Variants in PEX11G observed in about 807,000 individuals in gnomAD.
PEX11G encodes the protein peroxisomal membrane protein 11C.
Under a neutral mutation model 22.5 loss-of-function variants are expected in PEX11G, and 20 were observed. That is an observed-to-expected ratio of 0.89 (90% CI 0.62 to 1.29). PEX11G has a LOEUF of 1.29. Among genes scored for constraint, PEX11G ranks in the 50% most tolerant of loss-of-function variants. The pLI, the probability that PEX11G is intolerant of heterozygous loss-of-function variation, is 0.00. For missense variants in PEX11G, 347 were observed against 331.3 expected, an observed-to-expected ratio of 1.05 and a Z score of -0.37; for synonymous variants, 141 against 154.5, an observed-to-expected ratio of 0.91 and a Z score of 0.65.
upstream of PEX11G, chr19:7,490,955 T>C (rs889566696): frequency 6.6e-6 from 1 of 151,932 alleles, no homozygotes; most frequent in Non-Finnish European, 1.5e-5. Flanking sequence ...TTTTTATTTT[T>C]TATTTTTTGT....
chr19:7,484,570 C>T (rs751796840), intron 2 of PEX11G, among the ~76,000 whole-genome samples: 4 of 151,750 alleles, frequency 2.6e-5, no homozygotes, highest in Admixed American at 2.0e-4. Flanking sequence ...GTCAAGAGTT[C>T]GAGACTAGCC....
upstream of PEX11G, among the ~76,000 whole-genome samples, chr19:7,492,353 C>T (rs898380586): frequency 2.0e-5 from 3 of 152,150 alleles, no homozygotes; most frequent in African/African-American, 7.2e-5. Flanking sequence ...TTATGATAGC[C>T]ATCGTAGTAG....
chr19:7,487,300 A>C (rs2021705281), intron 1 of PEX11G, among the ~76,000 whole-genome samples: 1 of 152,196 alleles, frequency 6.6e-6, no homozygotes, highest in Non-Finnish European at 1.5e-5. Context: ...GATGTGCTGA[A>C]TGGTGGGCAC....
chr19:7,491,417 G>A (rs545095959), upstream of PEX11G, among the ~76,000 whole-genome samples: 97 of 151,146 alleles, frequency 6.4e-4, no homozygotes, highest in African/African-American at 2.3e-3. Context: ...GTACAGGTGC[G>A]CACCACCACA....
upstream of PEX11G, among the ~76,000 whole-genome samples, chr19:7,494,002 G>A (rs1240834197): frequency 6.6e-6 from 1 of 151,718 alleles, no homozygotes; most frequent in East Asian, 1.9e-4. Flanking sequence ...CTGCCTCTGG[G>A]TTCAAGTGAT....
rs1016032485 is a variant in PEX11G, at chr19:7,477,079, C to G, written c.*123G>C. ...ACCTCGCATCAGTCCCTCCACCCAC[C>G]CTGCCCATGGGTTTCACCACAGGCA... On this transcript the variant is annotated 3_prime_UTR_variant, in exon 5 of 5. Transcript: ENST00000221480. The G allele has an allele frequency of 3.2e-6, 3 of 928,666 alleles. No homozygotes were observed. The highest frequency in any genetic ancestry group is 1.7e-5 in the African/African-American group (1 of 57,374). The allele number at this position is 928,666 out of a possible 1,614,324, so 57.5% of individuals were successfully genotyped here.
At chr19:7,492,629 A>G (rs1021723568), upstream of PEX11G, among the ~76,000 whole-genome samples, 4 of 152,068 alleles carry the variant, frequency 2.6e-5, no homozygotes, top group Non-Finnish European at 4.4e-5. Flanking sequence ...TTTAGTAGAG[A>G]CGGGGTTTCG....
In PEX11G at chr19:7,477,163, C is replaced by T. The variant is rs752164635; in HGVS notation, c.*39G>A. ...CTTCTGCTTTGCGGGAAGGGCCCTC[C>T]GTGGGCTCTGGCTGTGTCCCTGTGC... On this transcript the variant is annotated 3_prime_UTR_variant, in exon 5 of 5. Coordinates refer to ENST00000221480, the MANE Select transcript of PEX11G (RefSeq NM_080662.4). The T allele has an allele frequency of 5.7e-5, 80 of 1,406,614 alleles. No individual in the cohort carries two copies. Among genetic ancestry groups the T allele is most frequent in the Non-Finnish European group, 4.0e-5 (43 of 1,077,272 alleles). 87.1% of individuals were successfully genotyped at this position (1,406,614 alleles called of 1,614,324 possible).
At chr19:7,487,945 CTACCTA>C (rs1202142648) in intron 1 of PEX11G, among the ~76,000 whole-genome samples, 1 of 152,158 alleles carries the variant, frequency 6.6e-6, no homozygotes, top group Non-Finnish European at 1.5e-5. Context: ...ACCTGAATGT[CTACCTA>C]TAAGAGACTG....
At chr19:7,489,734 T>C (rs549030825), upstream of PEX11G, among the ~76,000 whole-genome samples, 104 of 152,294 alleles carry the variant, frequency 6.8e-4, no homozygotes, top group African/African-American at 2.4e-3. Flanking sequence ...CTCTCTGTTC[T>C]TCCCTGATTT....
rs1051207190 is a variant in PEX11G at position 7,486,749 on chromosome 19, G to A, written c.61-723C>T. Among the ~76,000 whole-genome samples the A allele has an allele frequency of 6.0e-5, 9 of 151,178 alleles. No individual in the cohort carries two copies. The South Asian group carries it at 6.3e-4, about 11-fold the overall frequency. ...CGAGTAGCTGGGACTACAGGCACCC[G>A]CCACCAAGCCCACCTAATTTTTTGT... On this transcript the variant is annotated intron_variant, in intron 1 of 4. Coordinates refer to ENST00000221480, the MANE Select transcript of PEX11G (RefSeq NM_080662.4).
Position 7,477,079 on chromosome 19 carries a change from C to T in PEX11G, c.*123G>A. ...ACCTCGCATCAGTCCCTCCACCCAC[C>T]CTGCCCATGGGTTTCACCACAGGCA... is the stretch of plus-strand genomic sequence containing the variant. On this transcript the variant is annotated 3_prime_UTR_variant, in exon 5 of 5. Transcript: ENST00000221480. 4.3e-6 allele frequency: 4 copies of T among 928,784 alleles called. No homozygotes were observed. In the Middle Eastern group the frequency reaches 1.1e-3, roughly 244 times the overall value. The allele number at this position is 928,784 out of a possible 1,614,324, so 57.5% of individuals were successfully genotyped here.
upstream of PEX11G, among the ~76,000 whole-genome samples, chr19:7,492,297 C>A (rs1192443498): frequency 1.3e-5 from 2 of 152,190 alleles, no homozygotes; most frequent in African/African-American, 4.8e-5. Flanking sequence ...ACCAGCATTA[C>A]ACAAAGGTTC....
intron 2 of PEX11G, among the ~76,000 whole-genome samples, chr19:7,484,441 T>A (rs751771372): frequency 6.6e-6 from 1 of 151,940 alleles, no homozygotes; most frequent in Non-Finnish European, 1.5e-5. Flanking sequence ...TGTATTTGCC[T>A]ATGCGAGTAC....
chr19:7,484,625 T>C (rs1219382015), intron 2 of PEX11G, among the ~76,000 whole-genome samples: 1 of 151,744 alleles, frequency 6.6e-6, no homozygotes, highest in Non-Finnish European at 1.5e-5. Context: ...ATACAAAAAT[T>C]AGCCAGGCAT....
At chr19:7,483,611 C>T (rs1209597464) in intron 2 of PEX11G, among the ~76,000 whole-genome samples, 3 of 152,130 alleles carry the variant, frequency 2.0e-5, no homozygotes, top group Admixed American at 2.0e-4. Context: ...TAATCAGACA[C>T]GGAGGAGGAG....
At chr19:7,480,586 G>T (rs1238655611) in intron 3 of PEX11G, among the ~76,000 whole-genome samples, 1 of 152,234 alleles carries the variant, frequency 6.6e-6, no homozygotes, top group Non-Finnish European at 1.5e-5. Context: ...GGGAGTCTGG[G>T]TTGGATTGTG....
At chr19:7,482,663 G>A (rs1977551159) in intron 2 of PEX11G, among the ~76,000 whole-genome samples, 1 of 152,192 alleles carries the variant, frequency 6.6e-6, no homozygotes, top group African/African-American at 2.4e-5. Context: ...GACCTCTGTT[G>A]CCAGACTCTA....
chr19:7,486,328 G>A (rs1401832569), intron 1 of PEX11G, among the ~76,000 whole-genome samples: 1 of 152,002 alleles, frequency 6.6e-6, no homozygotes, highest in Admixed American at 6.6e-5. Context: ...GGTTTCACCA[G>A]GTTGGCTAGG....
Sources: allele counts gnomAD v4.1 joint callset (sites outside exome capture counted in the v4.1 genomes callset), GRCh38; gene constraint gnomAD v4.1.1; transcripts MANE v1.5; gene names NCBI Gene and HGNC (gene_info 2026-07-23, HGNC 2026-07-21).